MYO1G: variants seen among roughly 807,000 people sequenced by gnomAD.
The protein encoded by MYO1G is unconventional myosin-Ig.
MYO1G carries 65 observed loss-of-function variants against 115.3 expected under a neutral mutation model. The ratio of observed to expected loss-of-function variants is 0.56; its 90% CI spans 0.46 to 0.69. The LOEUF is 0.69. Ranked by LOEUF, MYO1G falls within the 30% of genes least tolerant of loss-of-function variation. MYO1G has a pLI of 0.00. For missense variants in MYO1G, 1,204 were observed against 1,393.5 expected (o/e 0.86, Z 2.16); for synonymous variants, 510 against 552.6 (o/e 0.92, Z 1.08).
At chr7:44,968,358 T>A (rs1415086917) in intron 12 of MYO1G, among the ~76,000 whole-genome samples, 1 of 152,178 alleles carries the variant, frequency 6.6e-6, no homozygotes, top group Non-Finnish European at 1.5e-5. Flanking sequence ...CGACTACAAC[T>A]ATGACTAGGA....
chr7:44,965,585 G>A, intron 17 of MYO1G, 52 bp downstream of exon 17: 1 of 1,535,806 alleles, frequency 6.5e-7, no homozygotes, highest in Non-Finnish European at 9.0e-7. Context: ...ATGGGTTAAG[G>A]TATTCAGTGG....
rs1794793631 is a variant in MYO1G, at chr7:44,963,926, G to C, written c.2745+123C>G. ...TTTCAGCACGGGTGCCACCATCGCT[G>C]AGTTTTAGGATGGTCTGGGCCATCT... On this transcript the variant is annotated intron_variant, in intron 20 of 21. Transcript: ENST00000258787. The surrounding 1 kb of genome is among the most constrained non-coding windows in gnomAD (Gnocchi z 4.1). 6 of 790,310 alleles carry C rather than the reference G, an allele frequency of 7.6e-6. No individual in the cohort carries two copies. Among genetic ancestry groups the C allele is most frequent in the Non-Finnish European group, 1.2e-5 (6 of 489,598 alleles). 49.0% of individuals were successfully genotyped at this position (790,310 alleles called of 1,614,324 possible).
chr7:44,964,114 G>A lies in MYO1G; in HGVS notation c.2680C>T (p.Gln894Ter). Residue 894 changes from glutamine (Q) to a stop codon, truncating the protein, a stop_gained, in exon 20 of 22, where the codon CAG becomes TAG. Transcript: ENST00000258787. LOFTEE classifies it high-confidence loss of function. This position sits in a 1 kb window ranked among gnomAD's most constrained non-coding sequence, Gnocchi z 5.1. ...TCAGGGTCCAGCTTGTAGAGGTGCT[G>A]GTCTGTGAGCAGGAGGGCCCGGTTC... ...IRNRALLLTDQHLYKLDPDRQ... is the reference protein window; with the variant it reads ...IRNRALLLTD 6.2e-7 allele frequency: 1 copy of A among 1,607,008 alleles called. No individual in the cohort carries two copies. Among genetic ancestry groups the A allele is most frequent in the Non-Finnish European group, 8.5e-7 (1 of 1,176,912 alleles).
chr7:44,965,985 T>G, intron 16 of MYO1G, 88 bp downstream of exon 16: 1 of 1,559,568 alleles, frequency 6.4e-7, no homozygotes. Context: ...CAGAGACTCC[T>G]GTGAAACTTA....
chr7:44,971,750 C>CG lies in MYO1G; in HGVS notation c.768dup (p.Glu257ArgfsTer11). 1.3e-6 allele frequency: 2 copies of CG among 1,555,592 alleles called. No homozygotes were observed. Among genetic ancestry groups the CG allele is most frequent in the Non-Finnish European group, 1.7e-6 (2 of 1,149,008 alleles). ...CTGAAGCCGATGACCCTCATGGCCT[C>CG]GGTCACTGCCTGGTGGCTCTGCTCA... is the stretch of plus-strand genomic sequence containing the variant. On this transcript the variant is annotated frameshift_variant, in exon 7 of 22. Coordinates refer to ENST00000258787, the MANE Select transcript of MYO1G (RefSeq NM_033054.3). LOFTEE classifies it high-confidence loss of function.
intron 3 of MYO1G, 29 bp from the exon 4 acceptor site, chr7:44,975,678 G>C (rs1795036792): frequency 1.3e-6 from 2 of 1,555,142 alleles, no homozygotes; most frequent in African/African-American, 1.4e-5. Flanking sequence ...TGGGTCTTAA[G>C]GCAAAGACTT....
At chr7:44,968,030 G>T in intron 12 of MYO1G, 72 bp from the exon 13 acceptor site, 2 of 1,269,636 alleles carry the variant, frequency 1.6e-6, no homozygotes, top group Non-Finnish European at 1.1e-6. Flanking sequence ...GACCCCAGCA[G>T]CCCCCACTCT....
At chr7:44,977,142 A>G (rs1795070307) in intron 1 of MYO1G, 71 bp from the exon 2 acceptor site, 1 of 1,471,080 alleles carries the variant, frequency 6.8e-7, no homozygotes. Flanking sequence ...GCCAGAGCCC[A>G]TATCAGGGCC....
chr7:44,974,514 C>T (rs965355362), intron 5 of MYO1G: 4 of 153,768 alleles, frequency 2.6e-5, no homozygotes, highest in African/African-American at 7.3e-5. Context: ...TGGGGAGCTC[C>T]AAGTCCCTAG....
chr7:44,970,877 G>A lies in MYO1G; in HGVS notation c.1029C>T (p.His343=), dbSNP rs773188393. Residue 343 remains histidine (H), a synonymous_variant, in exon 8 of 22, where the codon CAC becomes CAT. Transcript: ENST00000258787. ...GGGCATAGCTGGCCTCAGCTGCAGT[G>A]TGGCCCTTCTCTATGAGTTCCCTGC... ...SGGRELIEKG[H]TAAEASYARD... The A allele has an allele frequency of 6.2e-7, 1 of 1,613,606 alleles. No individual in the cohort carries two copies. The highest frequency in any genetic ancestry group is 8.5e-7 in the Non-Finnish European group (1 of 1,180,044).
At chr7:44,972,271 C>A in intron 5 of MYO1G, 46 bp from the exon 6 acceptor site, 1 of 1,364,714 alleles carries the variant, frequency 7.3e-7, no homozygotes, top group South Asian at 1.2e-5. Flanking sequence ...CCCAGGATGT[C>A]CCCCTGTACA....
In MYO1G at chr7:44,977,720, AC is replaced by A. The variant is rs926954606; in HGVS notation, c.96-650del. On this transcript the variant is annotated intron_variant, in intron 1 of 21. Transcript: ENST00000258787. ...GGGGTGGATGTCTGCCCTTCTCTTG[AC>A]CTTTCTGCCCCTGGGAGGAGGACTG... Among the ~76,000 whole-genome samples, 254 of 151,790 alleles carry A rather than the reference AC, an allele frequency of 1.7e-3. 1 individual carries two copies. The highest frequency in any genetic ancestry group is 6.0e-3 in the African/African-American group (248 of 41,366).
Position 44,966,235 on chromosome 7 carries a change from G to A in MYO1G, c.1995C>T (p.Gly665=), listed in dbSNP as rs746243766. The change falls in exon 16 of 22, where the codon GGC becomes GGT. Residue 665 remains glycine, a synonymous_variant. Coordinates refer to ENST00000258787, the MANE Select transcript of MYO1G (RefSeq NM_033054.3). This position sits in a 1 kb window ranked among gnomAD's most constrained non-coding sequence, Gnocchi z 5.0. ...CEYTWPNHLL[G]SDKAAVSALL... is the part of the protein sequence containing the mutation. ...GAGCGCTCACGGCTGCCTTGTCGGA[G>A]CCCAGCAGGTGGTTGGGCCATGTGT... 2.5e-6 allele frequency: 4 copies of A among 1,611,698 alleles called. No individual in the cohort carries two copies. The East Asian group carries it at 6.7e-5, about 27-fold the overall frequency.
In MYO1G at chr7:44,963,109, C is replaced by T. The variant is rs772491166; in HGVS notation, c.2761G>A (p.Val921Met). The T allele has an allele frequency of 2.0e-6, 3 of 1,493,290 alleles. No homozygotes were observed. The highest frequency in any genetic ancestry group is 2.7e-6 in the Non-Finnish European group (3 of 1,126,816). The allele number at this position is 1,493,290 out of a possible 1,614,324, so 92.5% of individuals were successfully genotyped here. A position where few individuals can be genotyped will look rare whatever the true frequency, so the allele number is the denominator to read the frequency against. The stretch of plus-strand genomic sequence containing the variant: ...ACCAGCTGGTCTCCTCCGCTGGTCA[C>T]GCTCAGCCCCGTCACCTGAGCGGAG... The part of the protein sequence containing the change: ...VPLEAVTGLS[V>M]TSGGDQLVVL... Residue 921 changes from valine (V) to methionine (M), a missense_variant, in exon 21 of 22, where the codon GTG becomes ATG. Transcript: ENST00000258787. This position sits in a 1 kb window ranked among gnomAD's most constrained non-coding sequence, Gnocchi z 4.1.
At chr7:44,968,816 A>AG in intron 12 of MYO1G, 1 of 151,064 alleles carries the variant, frequency 6.6e-6, no homozygotes, top group Admixed American at 6.6e-5. Flanking sequence ...GATTTTGCGA[A>AG]CAGATAAAGG....
chr7:44,966,654 G>T lies in MYO1G; in HGVS notation c.1949+18C>A. On this transcript the variant is annotated intron_variant, in intron 15 of 21. Transcript: ENST00000258787. The surrounding 1 kb of genome is among the most constrained non-coding windows in gnomAD (Gnocchi z 5.0). ...AGGGACTATGGCCCATGGAGTGATG[G>T]GTGTCAGGTGCCAGTACCTGAGCAG... 6.2e-7 allele frequency: 1 copy of T among 1,612,856 alleles called. No homozygotes were observed. The highest frequency in any genetic ancestry group is 8.5e-7 in the Non-Finnish European group (1 of 1,179,938).
intron 5 of MYO1G, chr7:44,974,251 C>T (rs369421284): frequency 6.6e-6 from 1 of 152,008 alleles, no homozygotes; most frequent in East Asian, 1.9e-4. Flanking sequence ...GAGGCTCCCA[C>T]CTCAGCGGGC....
In MYO1G at chr7:44,967,916, G is replaced by T; in HGVS notation, c.1617C>A (p.Leu539=). 6.2e-7 allele frequency: 1 copy of T among 1,614,096 alleles called. No homozygotes were observed. Among genetic ancestry groups the T allele is most frequent in the Admixed American group, 1.7e-5 (1 of 60,018 alleles). ...ACAGCAGCCGCTTGAAGTCCTGGAA[G>T]AGGAAATCTCTGTTCTTGTCGATGA... The part of the protein sequence containing the change: ...EGFIDKNRDF[L]FQDFKRLLYN... Residue 539 remains leucine, a synonymous_variant, in exon 13 of 22, where the codon CTC becomes CTA. Transcript: ENST00000258787.
At position 44,972,187 on chromosome 7, in the gene MYO1G, C is replaced by G. The variant is rs781423784; in HGVS notation, c.657G>C (p.Leu219=). 7.4e-6 allele frequency: 12 copies of G among 1,614,094 alleles called. No homozygotes were observed. The highest frequency in any genetic ancestry group is 9.3e-6 in the Non-Finnish European group (11 of 1,179,994). ...ATACAGCAGGGTTTCTCTCCAAGTG[C>G]AGTTCATGCAGCTGCTTGTCCTCAC... ...RGSEDKQLHE[L]HLERNPAVYN... is the part of the protein sequence containing the mutation. The change falls in exon 6 of 22, where the codon CTG becomes CTC. Residue 219 remains leucine, a synonymous_variant. Transcript: ENST00000258787.
Sources: allele counts gnomAD v4.1 joint callset (sites outside exome capture counted in the v4.1 genomes callset), GRCh38; gene constraint gnomAD v4.1.1; non-coding constraint Gnocchi (gnomAD v3.1); transcripts MANE v1.5; gene names NCBI Gene and HGNC (gene_info 2026-07-23, HGNC 2026-07-21).